Variants in PPP1R14D observed in about 807,000 individuals in gnomAD.
PPP1R14D encodes the protein protein phosphatase 1 regulatory subunit 14D.
Under a neutral mutation model 17.1 loss-of-function variants are expected in PPP1R14D, and 14 were observed. The observed-to-expected ratio is 0.82, with a 90% CI of 0.54 to 1.28. The LOEUF is 1.28. PPP1R14D is among the 50% of genes most tolerant of loss of function. PPP1R14D has a pLI of 0.00. For missense variants in PPP1R14D, 173 were observed against 179.2 expected, an observed-to-expected ratio of 0.97 and a Z score of 0.20; for synonymous variants, 67 against 66.1, an observed-to-expected ratio of 1.01 and a Z score of -0.06.
chr15:40,822,751 C>T (rs866766332), intron 1 of PPP1R14D, among the ~76,000 whole-genome samples: 15 of 152,198 alleles, frequency 9.9e-5, no homozygotes, highest in Non-Finnish European at 1.6e-4. Context: ...CCATGCCTGG[C>T]CTCAAGACCA....
intron 1 of PPP1R14D, among the ~76,000 whole-genome samples, chr15:40,817,938 A>G (rs1008559537): frequency 1.3e-5 from 2 of 152,248 alleles, no homozygotes; most frequent in South Asian, 2.1e-4. Context: ...CATGCAGTCC[A>G]TTAATTGCAC....
chr15:40,828,576 C>A lies in PPP1R14D; in HGVS notation c.66G>T (p.Lys22Asn), dbSNP rs568127927. Reference protein sequence around the residue: ...PSPDGENPCKKVHWASGRRRT... With the variant: ...PSPDGENPCKNVHWASGRRRT... ...TTCTCCTCCCAGAAGCCCAGTGGAC[C>A]TTCTTACATGGGTTCTCCCCATCTG... The change falls in exon 1 of 4, where the codon AAG (lysine) becomes AAT (asparagine). Residue 22 changes from lysine (K) to asparagine (N), a missense_variant. Physicochemically the swap from Lys to Asn is moderately conservative, Grantham distance 94 (BLOSUM62 0). Transcript: ENST00000299174. The A allele has an allele frequency of 1.3e-5, 21 of 1,614,068 alleles. 1 individual carries two copies. The Admixed American group carries it at 3.3e-4, about 26-fold the overall frequency.
chr15:40,817,694 A>G (rs567922404), intron 1 of PPP1R14D, among the ~76,000 whole-genome samples: 18 of 150,350 alleles, frequency 1.2e-4, no homozygotes, highest in African/African-American at 4.4e-4. Context: ...GGCTCACTGC[A>G]GTCTTGACCT....
Position 40,816,002 on chromosome 15 carries a change from GGA to G in PPP1R14D, c.340-10_340-9del. ...GCAGTTCCCAAGAATGGCCTAGATA[GGA>G]GAGAACACAGACAGGGCCCCAAGTC... On this transcript the variant is annotated splice_polypyrimidine_tract_variant and intron_variant, in intron 2 of 3. Transcript: ENST00000299174. 1 of 1,614,078 alleles carries G rather than the reference GGA, an allele frequency of 6.2e-7. No individual in the cohort carries two copies. The highest frequency in any genetic ancestry group is 8.5e-7 in the Non-Finnish European group (1 of 1,179,978).
chr15:40,825,654 C>T (rs115235577), intron 1 of PPP1R14D, among the ~76,000 whole-genome samples: 9 of 152,162 alleles, frequency 5.9e-5, no homozygotes, highest in Admixed American at 2.0e-4. Flanking sequence ...AGGGGCTCTC[C>T]GTAAACTGGA....
At chr15:40,827,947 AAAAG>A (rs138484384) in intron 1 of PPP1R14D, among the ~76,000 whole-genome samples, 38,594 of 151,692 alleles carry the variant, frequency 0.25, 5,157 homozygotes, top group Admixed American at 0.34. Context: ...AACAAAAAAC[AAAAG>A]AAAGAAAGAA....
intron 3 of PPP1R14D, 31 bp from the exon 4 acceptor site, chr15:40,815,792 T>TG (rs754860833): frequency 1.5e-5 from 24 of 1,579,134 alleles, no homozygotes; most frequent in Admixed American, 3.5e-5. Context: ...AGACCAGGCT[T>TG]GGGGTCACAA....
intron 1 of PPP1R14D, among the ~76,000 whole-genome samples, 185 bp downstream of exon 1, chr15:40,828,202 C>T (rs577418494): frequency 6.6e-6 from 1 of 152,288 alleles, no homozygotes; most frequent in East Asian, 1.9e-4. Flanking sequence ...GCATTAGAGG[C>T]ACAGACAAGC....
At chr15:40,826,855 G>C (rs535638793) in intron 1 of PPP1R14D, among the ~76,000 whole-genome samples, 1 of 152,232 alleles carries the variant, frequency 6.6e-6, no homozygotes, top group Non-Finnish European at 1.5e-5. Flanking sequence ...AGGATTAAAT[G>C]AAAGAATGCA....
chr15:40,827,829 A>C lies in PPP1R14D; in HGVS notation c.255+558T>G, dbSNP rs541318857. Among the ~76,000 whole-genome samples, 545 of 152,216 alleles carry C rather than the reference A, an allele frequency of 3.6e-3. 2 individuals carry two copies. The highest frequency in any genetic ancestry group is 4.9e-3 in the Non-Finnish European group (331 of 68,008). On this transcript the variant is annotated intron_variant, in intron 1 of 3. Coordinates refer to ENST00000299174, the MANE Select transcript of PPP1R14D (RefSeq NM_017726.8). ...TAGTCCCAGCTACTCAGGAGGCTGA[A>C]GTGGGAGGATGGCTTGAACCCAGCA...
At chr15:40,827,796 C>T (rs1890894299) in intron 1 of PPP1R14D, among the ~76,000 whole-genome samples, 1 of 152,004 alleles carries the variant, frequency 6.6e-6, no homozygotes, top group African/African-American at 2.4e-5. Context: ...CGTGGTGGTG[C>T]GCACCTGTAG....
intron 1 of PPP1R14D, chr15:40,817,297 C>T: frequency 7.2e-6 from 2 of 277,136 alleles, no homozygotes. Context: ...GCAGAAGTTG[C>T]AGAGAATGGA....
intron 1 of PPP1R14D, 111 bp downstream of exon 1, chr15:40,828,276 T>C (rs900550730): frequency 1.4e-6 from 2 of 1,388,600 alleles, no homozygotes; most frequent in African/African-American, 2.9e-5. Flanking sequence ...TTACAAAAGC[T>C]TTCTCTTCAC....
intron 1 of PPP1R14D, among the ~76,000 whole-genome samples, chr15:40,818,598 CA>C (rs34474703): frequency 2.0e-5 from 3 of 151,136 alleles, no homozygotes; most frequent in Admixed American, 6.6e-5. Context: ...GACCCTGTCT[CA>C]AAAAAAAGAA....
chr15:40,816,223 C>T lies in PPP1R14D; in HGVS notation c.286G>A (p.Asp96Asn), dbSNP rs1890660372. Residue 96 changes from aspartate (D) to asparagine (N), a missense_variant, in exon 2 of 4, where the codon GAC becomes AAC. Transcript: ENST00000299174. ...DQATPSEPEIDLEALMDLSTE... is the reference protein window; with the variant it reads ...DQATPSEPEINLEALMDLSTE... The stretch of plus-strand genomic sequence containing the variant: ...GATAGATCCATGAGAGCTTCCAGGT[C>T]AATCTCAGGCTCAGAAGGGGTTGCT... 1 of 1,614,030 alleles carries T rather than the reference C, an allele frequency of 6.2e-7. No individual in the cohort carries two copies. The highest frequency in any genetic ancestry group is 1.1e-5 in the South Asian group (1 of 91,078).
chr15:40,815,689 C>G lies in PPP1R14D; in HGVS notation c.*7G>C, dbSNP rs1890643867. The G allele has an allele frequency of 1.2e-6, 2 of 1,613,842 alleles. No individual in the cohort carries two copies. Among genetic ancestry groups the G allele is most frequent in the Non-Finnish European group, 1.7e-6 (2 of 1,179,862 alleles). On this transcript the variant is annotated 3_prime_UTR_variant, in exon 4 of 4. Coordinates refer to ENST00000299174, the MANE Select transcript of PPP1R14D (RefSeq NM_017726.8). ...GTGCTGAGGCTGCTAAAGATGGTCT[C>G]TCAGGCTTATTTCTGAGGCCGGCTG...
In PPP1R14D at chr15:40,815,558, A is replaced by G. The variant is rs1890641347; in HGVS notation, c.*138T>C. On this transcript the variant is annotated 3_prime_UTR_variant, in exon 4 of 4. Coordinates refer to ENST00000299174, the MANE Select transcript of PPP1R14D (RefSeq NM_017726.8). ...ACAGAAACTAGCTGTGACCACACAG[A>G]CAGTAGGAGTATGCAAATGTCCCTC... 9.3e-7 allele frequency: 1 copy of G among 1,073,962 alleles called. No individual in the cohort carries two copies. Among genetic ancestry groups the G allele is most frequent in the Non-Finnish European group, 1.3e-6 (1 of 757,818 alleles). The allele number at this position is 1,073,962 out of a possible 1,614,324, so 66.5% of individuals were successfully genotyped here. A position where few individuals can be genotyped will look rare whatever the true frequency, so the allele number is the denominator to read the frequency against.
At chr15:40,825,009 C>T (rs1484439534) in intron 1 of PPP1R14D, among the ~76,000 whole-genome samples, 1 of 152,046 alleles carries the variant, frequency 6.6e-6, no homozygotes, top group Non-Finnish European at 1.5e-5. Context: ...CCAGGCCAGG[C>T]GCGGTGGCTC....
At chr15:40,826,881 T>C (rs998610424) in intron 1 of PPP1R14D, among the ~76,000 whole-genome samples, 2 of 152,238 alleles carry the variant, frequency 1.3e-5, no homozygotes, top group African/African-American at 4.8e-5. Context: ...GTGCCTGGCA[T>C]TGAGCCTAGC....
Sources: allele counts gnomAD v4.1 joint callset (sites outside exome capture counted in the v4.1 genomes callset), GRCh38; gene constraint gnomAD v4.1.1; transcripts MANE v1.5; gene names NCBI Gene and HGNC (gene_info 2026-07-23, HGNC 2026-07-21).